The following NEB variants were observed in gnomAD, a reference collection of about 807,000 sequenced individuals.
NEB encodes nemaline myopathy type 2.
NEB carries 512 observed loss-of-function variants against 952.2 expected under a neutral mutation model. That is an observed-to-expected ratio of 0.54 (90% confidence interval 0.50 to 0.58). The LOEUF (loss-of-function observed/expected upper bound fraction) is 0.58, where lower values mean the gene tolerates loss of function less well. NEB is among the 20% of genes least tolerant of loss of function. The pLI is 0.00. For synonymous variants in NEB, 2,900 were observed against 3,149.8 expected (o/e 0.92, Z 2.66); for missense variants, 8,428 against 9,231.1 (o/e 0.91, Z 3.56).
In NEB at chr2:151,619,679, C is replaced by A; in HGVS notation, c.10644G>T (p.Trp3548Cys). Residue 3548 changes from tryptophan (W) to cysteine (C), a missense_variant, in exon 73 of 182, where the codon TGG becomes TGT. Trp to Cys is a radical substitution (Grantham distance 215). Transcript: ENST00000397345. ...TCTGCACTTTGGCAATGTGGAGGGACCACATTATCTTGGGGTCATCGTGTA... is the reference window on the plus strand; with the variant it reads ...TCTGCACTTTGGCAATGTGGAGGGAACACATTATCTTGGGGTCATCGTGTA... ...RAVHDDPKIM[W>C]SLHIAKVQSD... 2 of 1,613,930 alleles carry A rather than the reference C, an allele frequency of 1.2e-6. No homozygotes were observed. The highest frequency in any genetic ancestry group is 1.7e-6 in the Non-Finnish European group (2 of 1,179,856).
intron 54 of NEB, among the ~76,000 whole-genome samples, chr2:151,646,999 T>C (rs147306586): frequency 4.7e-4 from 72 of 152,192 alleles, no homozygotes; most frequent in Middle Eastern, 3.4e-3. Flanking sequence ...CCCAAAAGGA[T>C]TTTTTGGGGG....
Position 151,669,003 on chromosome 2 carries a change from ATTAG to A in NEB, c.4611+20_4611+23del. 1 of 1,511,652 alleles carries A rather than the reference ATTAG, an allele frequency of 6.6e-7. No individual in the cohort carries two copies. The highest frequency in any genetic ancestry group is 9.1e-7 in the Non-Finnish European group (1 of 1,103,532). 93.6% of individuals were successfully genotyped at this position (1,511,652 alleles called of 1,614,324 possible). On this transcript the variant is annotated intron_variant, in intron 39 of 181. Transcript: ENST00000397345. ...GAAAGGAGAGGCCCGCATACGCAAT[ATTAG>A]CACTGGGCCAAATACTCACATCACT...
chr2:151,694,692 AC>A, intron 18 of NEB, 63 bp from the exon 19 acceptor site: 1 of 1,272,928 alleles, frequency 7.9e-7, no homozygotes, highest in Non-Finnish European at 1.1e-6. Flanking sequence ...ACCTTTAAAG[AC>A]TAGTGGGTAA....
In NEB at chr2:151,567,182, C is replaced by A; in HGVS notation, c.18142G>T (p.Asp6048Tyr). The stretch of plus-strand genomic sequence containing the variant: ...AAATCACTTACATCACTCTGTAGGT[C>A]ATAGGCCTTTCTTGCCTGAATAACA... ...NDVIQARKAY[D>Y]LQSDNVYRAD... is the part of the protein sequence containing the mutation. Residue 6048 changes from aspartate (D) to tyrosine (Y), a missense_variant, in exon 114 of 182, where the codon GAC (aspartate) becomes TAC (tyrosine). Around this residue, in one of 11 missense-constraint regions of NEB, gnomAD observed 3,374 missense variants for 3,651.5 expected, o/e 0.92. Coordinates refer to ENST00000397345, the MANE Select transcript of NEB (RefSeq NM_001164508.2). 6.2e-7 allele frequency: 1 copy of A among 1,605,716 alleles called. No homozygotes were observed. Among genetic ancestry groups the A allele is most frequent in the Non-Finnish European group, 8.5e-7 (1 of 1,174,882 alleles).
intron 119 of NEB, 68 bp downstream of exon 119, chr2:151,563,538 A>T (rs2096216933): frequency 7.3e-7 from 1 of 1,371,270 alleles, no homozygotes; most frequent in Admixed American, 1.7e-5. Context: ...AGGGCAAGTT[A>T]TAAACAGGCA....
intron 81 of NEB, among the ~76,000 whole-genome samples, chr2:151,608,905 CAAAAAAAAAAAA>C: frequency 2.9e-5 from 1 of 34,432 alleles, no homozygotes; most frequent in African/African-American, 1.3e-4. Context: ...CTCCGTCTCA[CAAAAAAAAAAAA>C]AAAAAAAAAA....
Position 151,617,880 on chromosome 2 carries a change from TG to T in NEB, c.11076+394del, listed in dbSNP as rs1450171217. ...AGTTTGAGACCAGCCTTCAACATGGTGAAACCCTGTCTCTACTGAAAATACA... is the reference window on the plus strand; with the variant it reads ...AGTTTGAGACCAGCCTTCAACATGGTAAACCCTGTCTCTACTGAAAATACA... On this transcript the variant is annotated intron_variant, in intron 74 of 181. Transcript: ENST00000397345. Among the ~76,000 whole-genome samples, 7 of 152,150 alleles carry T rather than the reference TG, an allele frequency of 4.6e-5. 1 individual carries two copies. Among genetic ancestry groups the T allele is most frequent in the Admixed American group, 1.3e-4 (2 of 15,270 alleles).
At chr2:151,659,298 ATTTAT>A (rs1264845927) in intron 46 of NEB, 129 bp from the exon 47 acceptor site, 4 of 540,496 alleles carry the variant, frequency 7.4e-6, no homozygotes, top group Non-Finnish European at 1.3e-5. Flanking sequence ...TAATTAATTT[ATTTAT>A]TTATTATTTT....
At position 151,534,100 on chromosome 2, in the gene NEB, A is replaced by G; in HGVS notation, c.21313-554T>C. On this transcript the variant is annotated intron_variant, in intron 142 of 181. Transcript: ENST00000397345. ...GGCTAGACAGATACTTTGAAACAGAACAACCCAATATCATAGGCAGAACCT... is the reference window on the plus strand; with the variant it reads ...GGCTAGACAGATACTTTGAAACAGAGCAACCCAATATCATAGGCAGAACCT... The G allele has an allele frequency of 9.0e-6, 7 of 778,844 alleles. No individual in the cohort carries two copies. The South Asian group carries it at 1.2e-4, about 14-fold the overall frequency. The allele number at this position is 778,844 out of a possible 1,614,324, so 48.2% of individuals were successfully genotyped here. A position where few individuals can be genotyped will look rare whatever the true frequency, so the allele number is the denominator to read the frequency against.
intron 13 of NEB, among the ~76,000 whole-genome samples, chr2:151,705,157 A>G (rs532178479): frequency 6.6e-6 from 1 of 152,172 alleles, no homozygotes; most frequent in East Asian, 1.9e-4. Flanking sequence ...TATACAAACA[A>G]TTAGCCTTCA....
chr2:151,513,987 T>G (rs1281141245), intron 159 of NEB, among the ~76,000 whole-genome samples: 1 of 152,240 alleles, frequency 6.6e-6, no homozygotes, highest in Non-Finnish European at 1.5e-5. Flanking sequence ...ACATCTAGTT[T>G]GGTACATAAC....
intron 157 of NEB, among the ~76,000 whole-genome samples, chr2:151,515,261 C>T (rs2077029387): frequency 6.6e-6 from 1 of 152,194 alleles, no homozygotes; most frequent in South Asian, 2.1e-4. Flanking sequence ...TTTCCCACAC[C>T]TTTCTTAAGG....
At chr2:151,591,886 C>T (rs1385732354) in intron 95 of NEB, 148 bp downstream of exon 95, 2 of 1,339,120 alleles carry the variant, frequency 1.5e-6, no homozygotes, top group African/African-American at 1.4e-5. Flanking sequence ...ACACGCAGAC[C>T]CACACAGCTA....
chr2:151,618,439 C>A lies in NEB; in HGVS notation c.10912G>T (p.Gly3638Cys). The A allele has an allele frequency of 6.2e-7, 1 of 1,613,932 alleles. No individual in the cohort carries two copies. The highest frequency in any genetic ancestry group is 8.5e-7 in the Non-Finnish European group (1 of 1,179,856). Reference sequence around the variant, plus strand: ...TCCAAGGAATCAATCGGAACCCAGCCAATGCCTTTCATCCATTCAAGGTCT... The same window carrying A: ...TCCAAGGAATCAATCGGAACCCAGCAAATGCCTTTCATCCATTCAAGGTCT... ...KSDLEWMKGI[G>C]WVPIDSLEVV... Residue 3638 changes from glycine to cysteine, a missense_variant, in exon 74 of 182, where the codon GGC becomes TGC. Gly to Cys is a radical substitution (Grantham distance 159). Around this residue, in one of 11 missense-constraint regions of NEB, gnomAD observed 1,772 missense variants for 1,960.3 expected, o/e 0.90. Transcript: ENST00000397345.
intron 132 of NEB, 25 bp downstream of exon 132, chr2:151,547,609 C>G (rs745763058): frequency 6.2e-7 from 1 of 1,609,158 alleles, no homozygotes; most frequent in Non-Finnish European, 8.5e-7. Context: ...TCTCTACTCC[C>G]TGTCTTTCCT....
chr2:151,610,967 C>A, intron 78 of NEB, 101 bp from the exon 79 acceptor site: 1 of 708,348 alleles, frequency 1.4e-6, no homozygotes, highest in Non-Finnish European at 2.3e-6. Context: ...ATTTAACTCA[C>A]ATTTAACTAT....
At chr2:151,611,718 A>T (rs2097974315) in intron 78 of NEB, among the ~76,000 whole-genome samples, 1 of 152,242 alleles carries the variant, frequency 6.6e-6, no homozygotes, top group South Asian at 2.1e-4. Context: ...TCAAAAGTGG[A>T]TTTCCATAAC....
At chr2:151,630,657 A>G in intron 67 of NEB, 58 bp downstream of exon 67, 2 of 1,411,058 alleles carry the variant, frequency 1.4e-6, no homozygotes, top group Non-Finnish European at 9.8e-7. Context: ...AAGAATCTCC[A>G]CAAAACTAAG....
At chr2:151,578,867 C>T (rs528876396) in intron 105 of NEB, among the ~76,000 whole-genome samples, 219 of 151,400 alleles carry the variant, frequency 1.4e-3, no homozygotes, top group African/African-American at 5.1e-3. Flanking sequence ...GGATCACCTG[C>T]GGTCAGGAGT....
Sources: gnomAD v4.1 joint callset for allele counts (sites outside exome capture counted in the v4.1 genomes callset) on GRCh38, gnomAD v4.1.1 for gene constraint, gnomAD v4.1.1 regional missense constraint, MANE v1.5 for transcripts, NCBI Gene and HGNC (gene_info 2026-07-23, HGNC 2026-07-21) for gene names.